COL22A1: variants seen among roughly 807,000 people sequenced by gnomAD.
COL22A1 encodes the protein collagen alpha-1(XXII) chain.
Under a neutral mutation model 248.9 loss-of-function variants are expected in COL22A1, and 221 were observed. The observed-to-expected ratio is 0.89, with a 90% confidence interval of 0.80 to 0.99. The LOEUF (loss-of-function observed/expected upper bound fraction) is 0.99. Ranked by LOEUF, COL22A1 falls within the 50% of genes least tolerant of loss-of-function variation. The pLI, the probability that COL22A1 is intolerant of heterozygous loss-of-function variation, is 0.00. For synonymous variants in COL22A1, 891 were observed against 793.4 expected, an observed-to-expected ratio of 1.12 and a Z score of -2.07; for missense variants, 2,240 against 2,179.0, an observed-to-expected ratio of 1.03 and a Z score of -0.56.
intron 1 of COL22A1, among the ~76,000 whole-genome samples, chr8:138,902,104 C>T (rs7819077): frequency 0.22 from 32,692 of 151,912 alleles, 3,894 homozygotes; most frequent in African/African-American, 0.33. Context: ...TGGGGGAGTT[C>T]CCACCAGATG....
At chr8:138,651,548 G>A (rs1822740307) in intron 45 of COL22A1, among the ~76,000 whole-genome samples, 1 of 152,326 alleles carries the variant, frequency 6.6e-6, no homozygotes, top group Admixed American at 6.5e-5. Flanking sequence ...TAAATACTGG[G>A]ATATATAAAG....
At chr8:138,595,971 T>A (rs541325388) in intron 62 of COL22A1, among the ~76,000 whole-genome samples, 1 of 152,292 alleles carries the variant, frequency 6.6e-6, no homozygotes, top group East Asian at 1.9e-4. Context: ...GAACCTTCAG[T>A]GAGGCTGCCC....
intron 58 of COL22A1, among the ~76,000 whole-genome samples, chr8:138,605,634 T>C (rs1390637177): frequency 6.6e-6 from 1 of 152,078 alleles, no homozygotes; most frequent in Non-Finnish European, 1.5e-5. Flanking sequence ...GACAAGAACA[T>C]GGGTAAGCTC....
intron 3 of COL22A1, among the ~76,000 whole-genome samples, chr8:138,867,075 C>T (rs1185403350): frequency 6.6e-6 from 1 of 152,108 alleles, no homozygotes; most frequent in Non-Finnish European, 1.5e-5. Context: ...GTAAAGGGCC[C>T]GATAGTAAAT....
intron 30 of COL22A1, among the ~76,000 whole-genome samples, chr8:138,711,183 A>G (rs1281216845): frequency 6.6e-6 from 1 of 152,128 alleles, no homozygotes; most frequent in Non-Finnish European, 1.5e-5. Flanking sequence ...CTCCTCCATG[A>G]CGTGTTTGAC....
intron 27 of COL22A1, among the ~76,000 whole-genome samples, chr8:138,717,177 T>G (rs1456768388): frequency 6.6e-6 from 1 of 152,172 alleles, no homozygotes; most frequent in African/African-American, 2.4e-5. Flanking sequence ...AGACGGAGTC[T>G]CACTCAGTCA....
chr8:138,632,294 CCT>C (rs1411762317), intron 49 of COL22A1, among the ~76,000 whole-genome samples: 1 of 152,182 alleles, frequency 6.6e-6, no homozygotes, highest in Non-Finnish European at 1.5e-5. Flanking sequence ...CTACTTGACC[CCT>C]CTGTATTTCA....
rs1008305639 is a variant in COL22A1, at chr8:138,865,854, C to T, written c.658+11896G>A. Among the ~76,000 whole-genome samples, 99 of 106,890 alleles carry T rather than the reference C, an allele frequency of 9.3e-4. 1 individual carries two copies. The highest frequency in any genetic ancestry group is 3.3e-3 in the African/African-American group (90 of 27,486). The allele number at this position is 106,890 out of a possible 152,430, so 70.1% of individuals were successfully genotyped here. ...GTGTATATGTATGCCTGTGAGTGTA[C>T]GTGTGTGTATGTTTGTATGCCTGTG... On this transcript the variant is annotated intron_variant, in intron 3 of 64. Coordinates refer to ENST00000303045, the MANE Select transcript of COL22A1 (RefSeq NM_152888.3).
At chr8:138,720,943 T>C in intron 26 of COL22A1, 151 bp from the exon 27 acceptor site, 2 of 706,664 alleles carry the variant, frequency 2.8e-6, no homozygotes, top group Non-Finnish European at 5.1e-6. Context: ...ACCACAGTCA[T>C]CAAACACAGC....
At chr8:138,645,753 C>T (rs1587750410) in intron 47 of COL22A1, among the ~76,000 whole-genome samples, 1 of 152,196 alleles carries the variant, frequency 6.6e-6, no homozygotes, top group Admixed American at 6.5e-5. Flanking sequence ...GCTTTCTCTC[C>T]TATTGACAAT....
chr8:138,695,887 C>T (rs1452377990), intron 32 of COL22A1, among the ~76,000 whole-genome samples: 11 of 152,032 alleles, frequency 7.2e-5, no homozygotes, highest in Non-Finnish European at 1.6e-4. Context: ...GGCCACTGTG[C>T]AGGAGAGGAG....
intron 39 of COL22A1, 98 bp from the exon 40 acceptor site, chr8:138,679,774 T>C (rs1160829019): frequency 1.9e-6 from 2 of 1,074,188 alleles, no homozygotes; most frequent in Admixed American, 1.7e-5. Flanking sequence ...GATCTATGCA[T>C]CTCTGTATCC....
At chr8:138,834,303 C>G (rs1037867724) in intron 4 of COL22A1, among the ~76,000 whole-genome samples, 3 of 150,226 alleles carry the variant, frequency 2.0e-5, no homozygotes, top group African/African-American at 7.4e-5. Context: ...AAGAGTTCCT[C>G]ATTGTTTCCA....
chr8:138,809,053 C>T (rs372082672), intron 9 of COL22A1, among the ~76,000 whole-genome samples: 40 of 134,480 alleles, frequency 3.0e-4, no homozygotes, highest in African/African-American at 1.0e-3. Flanking sequence ...ACTTCCTAGG[C>T]CCCCTGTGTT....
chr8:138,905,092 A>G (rs1288053734), intron 1 of COL22A1, among the ~76,000 whole-genome samples: 2 of 152,252 alleles, frequency 1.3e-5, no homozygotes, highest in Non-Finnish European at 2.9e-5. Flanking sequence ...GGATGGATAG[A>G]CAGCTAGATT....
At chr8:138,664,209 G>GCGCGCGCGCGCGCACACA (rs1440442280) in intron 41 of COL22A1, among the ~76,000 whole-genome samples, 4 of 103,156 alleles carry the variant, frequency 3.9e-5, no homozygotes, top group African/African-American at 1.6e-4. Flanking sequence ...GCGCGCGCGC[G>GCGCGCGCGCGCGCACACA]CACACACACA....
At chr8:138,906,627 T>A (rs1815044603) in intron 1 of COL22A1, among the ~76,000 whole-genome samples, 1 of 151,964 alleles carries the variant, frequency 6.6e-6, no homozygotes, top group South Asian at 2.1e-4. Flanking sequence ...ATAGAAAACA[T>A]GTGGATTGAC....
intron 31 of COL22A1, among the ~76,000 whole-genome samples, chr8:138,701,483 C>T (rs1827967922): frequency 1.3e-5 from 2 of 152,138 alleles, no homozygotes; most frequent in Admixed American, 1.3e-4. Context: ...AACCCCTGTC[C>T]CTTTTCTAGA....
chr8:138,619,250 G>A (rs1038530591), intron 53 of COL22A1, among the ~76,000 whole-genome samples: 1 of 152,172 alleles, frequency 6.6e-6, no homozygotes, highest in Non-Finnish European at 1.5e-5. Flanking sequence ...CAACAACAAG[G>A]TCATGGCTGC....
Sources: gnomAD v4.1 joint callset for allele counts (sites outside exome capture counted in the v4.1 genomes callset) on GRCh38, gnomAD v4.1.1 for gene constraint, MANE v1.5 for transcripts, NCBI Gene and HGNC (gene_info 2026-07-23, HGNC 2026-07-21) for gene names.